GRIN2A: variants seen among roughly 807,000 people sequenced by gnomAD.
GRIN2A encodes the protein glutamate ionotropic receptor NMDA type subunit 2A.
GRIN2A carries 22 observed loss-of-function variants against 113.4 expected under a neutral mutation model. The ratio of observed to expected loss-of-function variants is 0.19; its 90% CI spans 0.14 to 0.28. The LOEUF (loss-of-function observed/expected upper bound fraction) is 0.28, where lower values mean the gene tolerates loss of function less well. GRIN2A is among the 10% of genes least tolerant of loss of function. The probability of loss-of-function intolerance (pLI) is 1.00; values close to 1 mark genes in which losing one functional copy is unlikely to be tolerated. For missense variants in GRIN2A, 1,502 were observed against 1,887.0 expected (o/e 0.80, Z 3.78); for synonymous variants, 827 against 738.4 (o/e 1.12, Z -1.94).
At chr16:10,176,369 C>T (rs1413962181) in intron 2 of GRIN2A, among the ~76,000 whole-genome samples, 1 of 152,096 alleles carries the variant, frequency 6.6e-6, no homozygotes, top group Non-Finnish European at 1.5e-5. Flanking sequence ...AACATTAGCA[C>T]CTCCATTGTA....
At chr16:9,859,337 A>T (rs1388343278) in intron 4 of GRIN2A, among the ~76,000 whole-genome samples, 2 of 152,182 alleles carry the variant, frequency 1.3e-5, no homozygotes, top group Admixed American at 6.5e-5. Context: ...AAATAGCACT[A>T]AAAACCGTGC....
intron 2 of GRIN2A, among the ~76,000 whole-genome samples, chr16:10,011,579 A>G (rs1015932014): frequency 1.3e-5 from 2 of 152,230 alleles, no homozygotes; most frequent in African/African-American, 4.8e-5. Flanking sequence ...GTGCTGAAGT[A>G]ACTGCCTGTC....
chr16:10,066,453 G>T (rs766049165), intron 2 of GRIN2A, among the ~76,000 whole-genome samples: 4 of 152,230 alleles, frequency 2.6e-5, no homozygotes, highest in Non-Finnish European at 5.9e-5. Flanking sequence ...GGTACCTGAA[G>T]ACAGATGTAT....
intron 2 of GRIN2A, among the ~76,000 whole-genome samples, chr16:10,086,373 G>A (rs922301616): frequency 1.3e-5 from 2 of 152,000 alleles, no homozygotes; most frequent in South Asian, 4.2e-4. Context: ...ATTGTTCCTT[G>A]GGCCTTCTAG....
At chr16:10,064,894 T>C (rs549646924) in intron 2 of GRIN2A, among the ~76,000 whole-genome samples, 1 of 152,216 alleles carries the variant, frequency 6.6e-6, no homozygotes, top group Non-Finnish European at 1.5e-5. Flanking sequence ...ACACGGTCAG[T>C]GCATTCATCC....
chr16:9,789,328 T>A (rs1407180334), intron 11 of GRIN2A, among the ~76,000 whole-genome samples: 1 of 152,296 alleles, frequency 6.6e-6, no homozygotes. Context: ...TTCAGCCTCA[T>A]GGTACTAATT....
At chr16:9,992,014 C>T (rs1261574348) in intron 2 of GRIN2A, among the ~76,000 whole-genome samples, 1 of 152,036 alleles carries the variant, frequency 6.6e-6, no homozygotes, top group Non-Finnish European at 1.5e-5. Flanking sequence ...ACATGTATAC[C>T]TATGTAACAA....
chr16:9,818,187 G>T (rs1055334745), intron 10 of GRIN2A, among the ~76,000 whole-genome samples: 2 of 151,966 alleles, frequency 1.3e-5, no homozygotes, highest in South Asian at 2.1e-4. Flanking sequence ...CTGAAAGACC[G>T]CAGTCTCGTG....
intron 2 of GRIN2A, among the ~76,000 whole-genome samples, chr16:10,038,293 G>T (rs1411910819): frequency 6.6e-6 from 1 of 152,076 alleles, no homozygotes; most frequent in African/African-American, 2.4e-5. Flanking sequence ...CCCCACCTCA[G>T]CCTATCACTT....
chr16:10,157,454 T>G (rs1307048286), intron 2 of GRIN2A, among the ~76,000 whole-genome samples: 1 of 152,214 alleles, frequency 6.6e-6, no homozygotes, highest in Non-Finnish European at 1.5e-5. Context: ...ATTCTCACAC[T>G]GCTATAAAAA....
chr16:9,994,474 T>A (rs2046184950), intron 2 of GRIN2A, among the ~76,000 whole-genome samples: 1 of 152,200 alleles, frequency 6.6e-6, no homozygotes, highest in African/African-American at 2.4e-5. Flanking sequence ...AAGCATTCTC[T>A]TCACTAAGTT....
intron 2 of GRIN2A, among the ~76,000 whole-genome samples, chr16:10,173,141 G>C (rs1307161548): frequency 2.0e-5 from 3 of 152,174 alleles, no homozygotes; most frequent in African/African-American, 7.2e-5. Context: ...AGGAGGTGTT[G>C]ATGATCGCAT....
intron 2 of GRIN2A, among the ~76,000 whole-genome samples, chr16:10,104,851 T>C (rs2048464976): frequency 6.6e-6 from 1 of 152,096 alleles, no homozygotes; most frequent in Admixed American, 6.6e-5. Flanking sequence ...TCCATGTCCC[T>C]TGTGAGCGCA....
intron 2 of GRIN2A, among the ~76,000 whole-genome samples, chr16:10,152,010 G>T (rs190474953): frequency 7.6e-4 from 116 of 152,280 alleles, no homozygotes; most frequent in Non-Finnish European, 2.6e-4. Context: ...CAGAGATGCT[G>T]CTCTTGTCCT....
intron 2 of GRIN2A, among the ~76,000 whole-genome samples, chr16:10,057,673 G>T (rs1331584432): frequency 6.6e-6 from 1 of 152,010 alleles, no homozygotes; most frequent in Non-Finnish European, 1.5e-5. Context: ...AGGCTTACAC[G>T]ATCAGGGAAG....
chr16:10,115,492 A>T (rs1277403915), intron 2 of GRIN2A, among the ~76,000 whole-genome samples: 2 of 152,200 alleles, frequency 1.3e-5, no homozygotes, highest in East Asian at 1.9e-4. Flanking sequence ...GCATCCATCC[A>T]TGTGCACACC....
At chr16:10,152,444 T>G (rs2049600603) in intron 2 of GRIN2A, among the ~76,000 whole-genome samples, 2 of 152,148 alleles carry the variant, frequency 1.3e-5, no homozygotes, top group South Asian at 4.1e-4. Flanking sequence ...ACTCCATGGA[T>G]CCCATGTGCC....
chr16:9,785,996 G>A (rs1902209157), intron 11 of GRIN2A, among the ~76,000 whole-genome samples: 2 of 152,220 alleles, frequency 1.3e-5, no homozygotes. Flanking sequence ...GAATACATGG[G>A]AAGGGGGTTG....
intron 2 of GRIN2A, among the ~76,000 whole-genome samples, chr16:10,004,471 ACATTT>A (rs2141850625): frequency 6.6e-6 from 1 of 152,244 alleles, no homozygotes; most frequent in South Asian, 2.1e-4. Context: ...AAAACAGTGT[ACATTT>A]ATTCCTTAGA....
Sources: allele counts gnomAD v4.1 joint callset (sites outside exome capture counted in the v4.1 genomes callset), GRCh38; gene constraint gnomAD v4.1.1; transcripts MANE v1.5; gene names NCBI Gene and HGNC (gene_info 2026-07-23, HGNC 2026-07-21).